KCND2: variants seen among roughly 807,000 people sequenced by gnomAD.
KCND2 encodes the protein A-type voltage-gated potassium channel KCND2.
Under a neutral mutation model 54.4 loss-of-function variants are expected in KCND2, and 16 were observed. That is an observed-to-expected ratio of 0.29 (90% CI 0.20 to 0.45). The LOEUF (loss-of-function observed/expected upper bound fraction) is 0.45. Ranked by LOEUF, KCND2 falls within the 20% of genes least tolerant of loss-of-function variation. The probability of loss-of-function intolerance (pLI) is 1.00; values close to 1 mark genes in which losing one functional copy is unlikely to be tolerated. For missense variants in KCND2, 486 were observed against 824.2 expected (o/e 0.59, Z 5.02); for synonymous variants, 317 against 310.7 (o/e 1.02, Z -0.21).
intron 1 of KCND2, among the ~76,000 whole-genome samples, chr7:120,580,594 T>C (rs1472933909): frequency 6.6e-6 from 1 of 152,260 alleles, no homozygotes; most frequent in South Asian, 2.1e-4. Flanking sequence ...AAATGTCTAA[T>C]GTTCTCTTTT....
At position 120,334,008 on chromosome 7, in the gene KCND2, G is replaced by C. The variant is rs73722572; in HGVS notation, c.1115+58261G>C. On this transcript the variant is annotated intron_variant, in intron 1 of 5. Transcript: ENST00000331113. ...TATAATCAGAATTTTGTATGCTATA[G>C]TATAAAGGCAGAAATAGAAATTGGG... Among the ~76,000 whole-genome samples the C allele has an allele frequency of 5.0e-3, 758 of 152,176 alleles. 11 individuals carry two copies. Among genetic ancestry groups the C allele is most frequent in the African/African-American group, 0.017 (721 of 41,524 alleles).
intron 1 of KCND2, among the ~76,000 whole-genome samples, chr7:120,536,432 ACACTTCTTTT>A (rs1411757012): frequency 3.5e-4 from 54 of 152,158 alleles, no homozygotes; most frequent in African/African-American, 1.3e-3. Context: ...ATACTGATTG[ACACTTCTTTT>A]CACTAATGAT....
intron 1 of KCND2, among the ~76,000 whole-genome samples, chr7:120,555,507 C>T (rs1383702248): frequency 6.6e-6 from 1 of 152,166 alleles, no homozygotes; most frequent in Non-Finnish European, 1.5e-5. Flanking sequence ...AAGCTTTCTA[C>T]TTCTTGAAAA....
chr7:120,732,948 T>G lies in KCND2; in HGVS notation c.1161T>G (p.Gly387=). 6.2e-7 allele frequency: 1 copy of G among 1,613,676 alleles called. No individual in the cohort carries two copies. Among genetic ancestry groups the G allele is most frequent in the Non-Finnish European group, 8.5e-7 (1 of 1,179,722 alleles). ...VPKTIAGKIF[G]SICSLSGVLV... ...AAACCATAGCAGGGAAGATTTTTGG[T>G]TCTATCTGTTCGCTGAGTGGGGTCT... Residue 387 remains glycine, a synonymous_variant, in exon 2 of 6, where the codon GGT becomes GGG. Transcript: ENST00000331113.
intron 1 of KCND2, among the ~76,000 whole-genome samples, chr7:120,470,390 A>T (rs1258966376): frequency 6.6e-6 from 1 of 152,136 alleles, no homozygotes; most frequent in Non-Finnish European, 1.5e-5. Flanking sequence ...CTACTCTGCT[A>T]TCAAGCACTT....
At chr7:120,708,214 T>C (rs1047410862) in intron 1 of KCND2, among the ~76,000 whole-genome samples, 1 of 152,124 alleles carries the variant, frequency 6.6e-6, no homozygotes, top group African/African-American at 2.4e-5. Context: ...ATAGCTTTCT[T>C]TGAAATGCTG....
chr7:120,415,592 T>C (rs1323286387), intron 1 of KCND2, among the ~76,000 whole-genome samples: 1 of 152,220 alleles, frequency 6.6e-6, no homozygotes, highest in Non-Finnish European at 1.5e-5. Context: ...CATTTTTCTC[T>C]ACTTTTCTGT....
intron 1 of KCND2, among the ~76,000 whole-genome samples, chr7:120,625,556 G>C (rs1793154058): frequency 6.6e-6 from 1 of 152,128 alleles, no homozygotes; most frequent in Non-Finnish European, 1.5e-5. Flanking sequence ...AGTTAAAACA[G>C]AAAAGTCCTA....
intron 1 of KCND2, among the ~76,000 whole-genome samples, chr7:120,653,592 G>A (rs1321900832): frequency 6.6e-6 from 1 of 152,076 alleles, no homozygotes. Flanking sequence ...CTAGCTATGT[G>A]ACCTGGAATA....
intron 1 of KCND2, among the ~76,000 whole-genome samples, chr7:120,369,682 A>G (rs1800739095): frequency 6.6e-6 from 1 of 151,996 alleles, no homozygotes; most frequent in African/African-American, 2.4e-5. Context: ...CTTAGATGTT[A>G]ACTTTCCATA....
chr7:120,735,134 T>G (rs1424563543), intron 2 of KCND2, among the ~76,000 whole-genome samples: 1 of 151,862 alleles, frequency 6.6e-6, no homozygotes, highest in Non-Finnish European at 1.5e-5. Context: ...CAGAGAAGAG[T>G]TAGAAATAGT....
intron 1 of KCND2, among the ~76,000 whole-genome samples, chr7:120,579,853 A>G (rs2116441448): frequency 6.6e-6 from 1 of 152,212 alleles, no homozygotes; most frequent in South Asian, 2.1e-4. Flanking sequence ...TCTGTTAAGT[A>G]TGGTAGAGCC....
chr7:120,698,772 G>T (rs1054582929), intron 1 of KCND2, among the ~76,000 whole-genome samples: 4 of 152,194 alleles, frequency 2.6e-5, no homozygotes, highest in South Asian at 4.1e-4. Flanking sequence ...TTTGGCAATA[G>T]ATTCTGCTAT....
intron 1 of KCND2, among the ~76,000 whole-genome samples, chr7:120,406,098 A>G (rs1584765450): frequency 1.3e-5 from 2 of 152,088 alleles, no homozygotes; most frequent in East Asian, 3.9e-4. Flanking sequence ...AATGTAATAT[A>G]TTTATTTTTT....
chr7:120,695,382 A>T (rs1210518058), intron 1 of KCND2, among the ~76,000 whole-genome samples: 1 of 152,178 alleles, frequency 6.6e-6, no homozygotes, highest in Non-Finnish European at 1.5e-5. Flanking sequence ...AATAGAAAAC[A>T]TGCTAAGTTT....
At chr7:120,565,047 T>C (rs1334682158) in intron 1 of KCND2, among the ~76,000 whole-genome samples, 2 of 152,204 alleles carry the variant, frequency 1.3e-5, no homozygotes, top group African/African-American at 2.4e-5. Flanking sequence ...ATGATATTAA[T>C]AGATTTTCTT....
intron 1 of KCND2, among the ~76,000 whole-genome samples, chr7:120,376,605 G>C (rs1431583393): frequency 6.6e-6 from 1 of 151,180 alleles, no homozygotes; most frequent in Non-Finnish European, 1.5e-5. Context: ...CATTCTATTA[G>C]TATCTCTAGT....
chr7:120,360,827 T>G (rs2116399990), intron 1 of KCND2, among the ~76,000 whole-genome samples: 1 of 152,258 alleles, frequency 6.6e-6, no homozygotes, highest in African/African-American at 2.4e-5. Context: ...ATGCATAGCT[T>G]CCAAAAATGG....
At chr7:120,542,699 A>G (rs1290284764) in intron 1 of KCND2, among the ~76,000 whole-genome samples, 1 of 151,776 alleles carries the variant, frequency 6.6e-6, no homozygotes, top group African/African-American at 2.4e-5. Flanking sequence ...TTGAGGAGAC[A>G]ATCTTACATT....
Sources: gnomAD v4.1 joint callset for allele counts (sites outside exome capture counted in the v4.1 genomes callset) on GRCh38, gnomAD v4.1.1 for gene constraint, MANE v1.5 for transcripts, NCBI Gene and HGNC (gene_info 2026-07-23, HGNC 2026-07-21) for gene names.